TRAP1: variants seen among roughly 807,000 people sequenced by gnomAD.
TRAP1 encodes the protein heat shock protein 75 kDa, mitochondrial.
A neutral mutation model predicts 89.1 loss-of-function variants in TRAP1; 102 were observed. That is an observed-to-expected ratio of 1.15 (90% CI 0.98 to 1.35). The LOEUF (loss-of-function observed/expected upper bound fraction) is 1.35, where lower values mean the gene tolerates loss of function less well. Among genes scored for constraint, TRAP1 ranks in the 40% most tolerant of loss-of-function variants. The probability of loss-of-function intolerance (pLI) is 0.00; values close to 1 mark genes in which losing one functional copy is unlikely to be tolerated. For synonymous variants in TRAP1, 508 were observed against 388.0 expected (o/e 1.31, Z -3.64); for missense variants, 1,256 against 945.3 (o/e 1.33, Z -4.31).
intron 1 of TRAP1, among the ~76,000 whole-genome samples, chr16:3,691,616 C>A (rs1166678461): frequency 6.6e-6 from 1 of 152,080 alleles, no homozygotes; most frequent in South Asian, 2.1e-4. Context: ...CCTCGCAGCC[C>A]CTGCAGAAGC....
intron 16 of TRAP1, 111 bp downstream of exon 16, chr16:3,661,876 T>C (rs1225825485): frequency 1.3e-5 from 17 of 1,358,332 alleles, no homozygotes; most frequent in Non-Finnish European, 9.7e-7. Context: ...TACCCACATG[T>C]CCACAGGCCT....
At position 3,688,991 on chromosome 16, in the gene TRAP1, C is replaced by T. The variant is rs1417597361; in HGVS notation, c.330+64G>A. ...ATTATCTGGCAATTCTCCAGAATGG[C>T]ATAAAAACCAGCTTTGTGAAAAGAA... On this transcript the variant is annotated intron_variant, in intron 3 of 17. Coordinates refer to ENST00000246957, the MANE Select transcript of TRAP1 (RefSeq NM_016292.3). 6.8e-6 allele frequency: 10 copies of T among 1,465,596 alleles called. No individual in the cohort carries two copies. In the East Asian group the frequency reaches 2.3e-4, roughly 34 times the overall value. The allele number at this position is 1,465,596 out of a possible 1,614,324, so 90.8% of individuals were successfully genotyped here.
In TRAP1 at chr16:3,658,157, AG is replaced by A; in HGVS notation, c.2086del (p.Leu696CysfsTer?). The A allele has an allele frequency of 6.2e-7, 1 of 1,614,094 alleles. No homozygotes were observed. The highest frequency in any genetic ancestry group is 8.5e-7 in the Non-Finnish European group (1 of 1,180,010). On this transcript the variant is annotated frameshift_variant, in exon 18 of 18. Transcript: ENST00000246957. LOFTEE classifies it high-confidence loss of function. ...PRAMVGRLNELLVKALERH is the reference protein window; with the variant it reads ...PRAMVGRLNEXLVKALERH Reference sequence around the variant, plus strand: ...GTGTCGCTCCAGGGCCTTGACAAGCAGCTCATTCAAGCGGCCCACCATGGCC... The same window carrying A: ...GTGTCGCTCCAGGGCCTTGACAAGCACTCATTCAAGCGGCCCACCATGGCC...
intron 1 of TRAP1, among the ~76,000 whole-genome samples, chr16:3,714,168 T>G (rs1026180463): frequency 6.6e-6 from 1 of 152,176 alleles, no homozygotes; most frequent in African/African-American, 2.4e-5. Context: ...CAGCTCTTGT[T>G]TCTCTAATGT....
rs887723503 is a variant in TRAP1, at chr16:3,658,331, G to A, written c.2014-101C>T. On this transcript the variant is annotated intron_variant, in intron 17 of 17. Transcript: ENST00000246957. ...TCACTGTTGCCGAGGCTGGAGTGCA[G>A]AGGCACGATCTCGGCTCACTGCAAC... 1.2e-5 allele frequency: 11 copies of A among 956,098 alleles called. No homozygotes were observed. In the African/African-American group the frequency reaches 1.7e-4, roughly 14 times the overall value. The allele number at this position is 956,098 out of a possible 1,614,324, so 59.2% of individuals were successfully genotyped here.
intron 1 of TRAP1, among the ~76,000 whole-genome samples, chr16:3,709,294 A>C (rs1317476682): frequency 6.6e-6 from 1 of 152,064 alleles, no homozygotes. Context: ...CACAAAAACA[A>C]GAAACATCAA....
At position 3,675,340 on chromosome 16, in the gene TRAP1, C is replaced by T. The variant is rs200627800; in HGVS notation, c.872G>A (p.Arg291Gln). Residue 291 changes from arginine to glutamine, a missense_variant, in exon 8 of 18, where the codon CGG becomes CAG. Coordinates refer to ENST00000246957, the MANE Select transcript of TRAP1 (RefSeq NM_016292.3). Reference protein sequence around the residue: ...VSFPLYLNGRRMNTLQAIWMM... With the variant: ...VSFPLYLNGRQMNTLQAIWMM... The stretch of plus-strand genomic sequence containing the variant: ...AGGGCTCACCTGCAAGGTGTTCATC[C>T]GCCTTCCATTCAAGTACAAGGGGAA... 79 of 1,614,094 alleles carry T rather than the reference C, an allele frequency of 4.9e-5. No homozygotes were observed. The highest frequency in any genetic ancestry group is 1.7e-4 in the Middle Eastern group (1 of 6,060).
chr16:3,688,895 G>C (rs1356282739), intron 3 of TRAP1, among the ~76,000 whole-genome samples, 160 bp downstream of exon 3: 1 of 152,172 alleles, frequency 6.6e-6, no homozygotes, highest in Non-Finnish European at 1.5e-5. Context: ...ACAGATTCTG[G>C]TAAAACTCCT....
chr16:3,670,419 G>T (rs371714592), intron 11 of TRAP1, among the ~76,000 whole-genome samples: 197 of 109,400 alleles, frequency 1.8e-3, no homozygotes, highest in Middle Eastern at 0.01. Flanking sequence ...AAATCTAAGT[G>T]GCCAGGTGCA....
chr16:3,697,373 G>T (rs1049996954), intron 1 of TRAP1, among the ~76,000 whole-genome samples: 4 of 151,936 alleles, frequency 2.6e-5, no homozygotes, highest in Non-Finnish European at 4.4e-5. Flanking sequence ...TATATATTAA[G>T]GAAATTAGTC....
At chr16:3,663,800 G>A (rs983223359) in intron 13 of TRAP1, 49 of 545,916 alleles carry the variant, frequency 9.0e-5, no homozygotes, top group Non-Finnish European at 1.3e-4. Flanking sequence ...GTGGCTGAGT[G>A]CAGTGGCTCA....
At position 3,689,036 on chromosome 16, in the gene TRAP1, T is replaced by C. The variant is rs896785483; in HGVS notation, c.330+19A>G. 3.1e-6 allele frequency: 5 copies of C among 1,589,186 alleles called. 1 individual carries two copies. The highest frequency in any genetic ancestry group is 2.3e-5 in the South Asian group (2 of 86,542). On this transcript the variant is annotated intron_variant, in intron 3 of 17. Coordinates refer to ENST00000246957, the MANE Select transcript of TRAP1 (RefSeq NM_016292.3). ...AAAGAAACTTTGCTAGCATCGGGCA[T>C]GGTTAGCAGGGAACGCACCTCTTTT... is the stretch of plus-strand genomic sequence containing the variant.
At chr16:3,663,314 C>A in intron 14 of TRAP1, 110 bp downstream of exon 14, 2 of 1,454,452 alleles carry the variant, frequency 1.4e-6, no homozygotes, top group Non-Finnish European at 1.9e-6. Context: ...TCGGGGGTGG[C>A]TGAGCCCAGG....
chr16:3,704,863 A>C (rs1157894193), intron 1 of TRAP1, among the ~76,000 whole-genome samples: 1 of 150,230 alleles, frequency 6.7e-6, no homozygotes, highest in East Asian at 1.9e-4. Flanking sequence ...TTTTTTTTTT[A>C]ATTTCCGCTG....
intron 3 of TRAP1, among the ~76,000 whole-genome samples, 154 bp downstream of exon 3, chr16:3,688,901 C>T (rs1214996009): frequency 1.3e-5 from 2 of 152,208 alleles, no homozygotes; most frequent in Non-Finnish European, 2.9e-5. Flanking sequence ...TCTGGTAAAA[C>T]TCCTCTCACT....
At chr16:3,712,739 C>G (rs1345053956) in intron 1 of TRAP1, among the ~76,000 whole-genome samples, 1 of 152,158 alleles carries the variant, frequency 6.6e-6, no homozygotes, top group Admixed American at 6.6e-5. Flanking sequence ...CTCAGCCTCC[C>G]AAGTATCTGG....
intron 1 of TRAP1, among the ~76,000 whole-genome samples, chr16:3,701,099 A>C (rs938155387): frequency 2.6e-5 from 4 of 152,236 alleles, no homozygotes; most frequent in Non-Finnish European, 4.4e-5. Flanking sequence ...AGACAAATGA[A>C]TGGAAAAATA....
intron 17 of TRAP1, 93 bp from the exon 18 acceptor site, chr16:3,658,323 G>A (rs2042843719): frequency 2.0e-6 from 2 of 992,044 alleles, no homozygotes; most frequent in Non-Finnish European, 3.1e-6. Context: ...TGCCGAGGCT[G>A]GAGTGCAGAG....
At chr16:3,685,236 G>A (rs897958585) in intron 4 of TRAP1, among the ~76,000 whole-genome samples, 2 of 152,316 alleles carry the variant, frequency 1.3e-5, no homozygotes, top group Middle Eastern at 3.4e-3. Flanking sequence ...CAAGGGCTAT[G>A]ACAAACAGCT....
Sources: allele counts gnomAD v4.1 joint callset (sites outside exome capture counted in the v4.1 genomes callset), GRCh38; gene constraint gnomAD v4.1.1; transcripts MANE v1.5; gene names NCBI Gene and HGNC (gene_info 2026-07-23, HGNC 2026-07-21).